TUSC3: variants seen among roughly 807,000 people sequenced by gnomAD.
The protein encoded by TUSC3 is tumor suppressor candidate 3, also known as dolichyl-diphosphooligosaccharide--protein glycosyltransferase subunit TUSC3.
A neutral mutation model predicts 44.8 loss-of-function variants in TUSC3; 45 were observed. That is an observed-to-expected ratio of 1.00 (90% CI 0.79 to 1.29). The LOEUF (loss-of-function observed/expected upper bound fraction) is 1.29. Ranked by LOEUF, TUSC3 falls within the 50% of genes most tolerant of loss-of-function variation. The pLI, the probability that TUSC3 is intolerant of heterozygous loss-of-function variation, is 0.00. For synonymous variants in TUSC3, 212 were observed against 152.9 expected, an observed-to-expected ratio of 1.39 and a Z score of -2.85; for missense variants, 519 against 437.9, an observed-to-expected ratio of 1.19 and a Z score of -1.65.
intron 1 of TUSC3, among the ~76,000 whole-genome samples, chr8:15,574,122 C>T (rs1051699368): frequency 1.3e-5 from 2 of 152,154 alleles, no homozygotes; most frequent in African/African-American, 2.4e-5. Flanking sequence ...GGGAAGCTCA[C>T]TGGCATTCAA....
intron 1 of TUSC3, among the ~76,000 whole-genome samples, chr8:15,602,951 C>A (rs193080009): frequency 6.6e-6 from 1 of 151,354 alleles, no homozygotes; most frequent in Non-Finnish European, 1.5e-5. Flanking sequence ...AGATATTTTA[C>A]GATATCAAGG....
chr8:15,581,496 G>A (rs1303994370), intron 1 of TUSC3, among the ~76,000 whole-genome samples: 3 of 147,346 alleles, frequency 2.0e-5, no homozygotes, highest in Non-Finnish European at 4.5e-5. Context: ...ATGGGTTTTT[G>A]GTGTGGATGT....
intron 8 of TUSC3, among the ~76,000 whole-genome samples, chr8:15,745,868 G>C (rs955458431): frequency 5.4e-5 from 7 of 129,886 alleles, no homozygotes; most frequent in Non-Finnish European, 1.2e-4. Context: ...GGCCAATGTT[G>C]AGACAGGCAT....
chr8:15,511,735 T>C (rs778142322), intron 2 of TUSC3, among the ~76,000 whole-genome samples: 1 of 151,878 alleles, frequency 6.6e-6, no homozygotes, highest in Non-Finnish European at 1.5e-5. Flanking sequence ...CCGGGCGTGG[T>C]GGTGGGTGCC....
chr8:15,820,522 C>A, the TUSC3 span, among the ~76,000 whole-genome samples: 1 of 151,836 alleles, frequency 6.6e-6, no homozygotes, highest in Non-Finnish European at 1.5e-5. Context: ...GTTTCACCAT[C>A]TTGGCCAGGA....
intron 2 of TUSC3, among the ~76,000 whole-genome samples, chr8:15,512,920 A>C (rs1370651518): frequency 1.3e-5 from 1 of 78,436 alleles, no homozygotes. Flanking sequence ...ATATGTATCT[A>C]TATATATAAT....
upstream of TUSC3, among the ~76,000 whole-genome samples, chr8:15,539,830 T>C (rs1297465400): frequency 1.3e-5 from 2 of 152,090 alleles, no homozygotes; most frequent in Non-Finnish European, 2.9e-5. Context: ...GAAGGAACAG[T>C]TGTGAAGTTG....
At chr8:15,752,608 A>G (rs2604362) in intron 9 of TUSC3, among the ~76,000 whole-genome samples, 2,561 of 152,162 alleles carry the variant, frequency 0.017, 25 homozygotes, top group Middle Eastern at 0.031. Context: ...TATCACTGAA[A>G]TTCATTTTAT....
At chr8:15,498,065 A>C (rs1455327023) in intron 2 of TUSC3, among the ~76,000 whole-genome samples, 1 of 152,102 alleles carries the variant, frequency 6.6e-6, no homozygotes, top group Non-Finnish European at 1.5e-5. Context: ...TTTGTTTTTT[A>C]AGATGGAAGA....
At chr8:15,513,553 C>T (rs1216621934) in intron 2 of TUSC3, among the ~76,000 whole-genome samples, 1 of 152,098 alleles carries the variant, frequency 6.6e-6, no homozygotes, top group East Asian at 1.9e-4. Flanking sequence ...AAACTTAGGT[C>T]CTTTTTAGAC....
chr8:15,658,979 G>A (rs928597221), intron 3 of TUSC3, among the ~76,000 whole-genome samples: 1 of 152,060 alleles, frequency 6.6e-6, no homozygotes, highest in Admixed American at 6.6e-5. Context: ...GAGCAGAAAT[G>A]TTGGTTTCTC....
At position 15,558,762 on chromosome 8, in the gene TUSC3, C is replaced by A. The variant is rs1371553307; in HGVS notation, c.138+18194C>A. On this transcript the variant is annotated intron_variant, in intron 1 of 10. Coordinates refer to ENST00000503731, the MANE Select transcript of TUSC3 (RefSeq NM_006765.4). The stretch of plus-strand genomic sequence containing the variant: ...GAGTGTATGTGTCGAGGAATTTATC[C>A]ATTTCTTCTAGATTTTCTAGTTTAT... Among the ~76,000 whole-genome samples, 5 of 129,894 alleles carry A rather than the reference C, an allele frequency of 3.8e-5. No homozygotes were observed. The East Asian group carries it at 1.3e-3, about 34-fold the overall frequency. The allele number at this position is 129,894 out of a possible 152,430, so 85.2% of individuals were successfully genotyped here.
intron 1 of TUSC3, among the ~76,000 whole-genome samples, chr8:15,586,867 A>T (rs1166296480): frequency 6.6e-6 from 1 of 152,122 alleles, no homozygotes; most frequent in Non-Finnish European, 1.5e-5. Context: ...CGTTATTGGG[A>T]ACTTCCTGGA....
intron 2 of TUSC3, among the ~76,000 whole-genome samples, chr8:15,523,387 G>C (rs896534054): frequency 9.2e-5 from 14 of 151,972 alleles, no homozygotes; most frequent in Non-Finnish European, 1.6e-4. Context: ...TGTACATTTT[G>C]CAGTATCCTT....
At chr8:15,523,237 C>T (rs1409916811) in intron 2 of TUSC3, among the ~76,000 whole-genome samples, 1 of 152,114 alleles carries the variant, frequency 6.6e-6, no homozygotes, top group East Asian at 1.9e-4. Flanking sequence ...TTGCCCAATG[C>T]ATCTGTGTAA....
Position 15,471,688 on chromosome 8 carries a change from G to A in TUSC3, n.92-11698G>A, listed in dbSNP as rs142409229. On this transcript the variant is annotated intron_variant and non_coding_transcript_variant, in intron 1 of 5. Transcript: ENST00000503191. Reference sequence around the variant, plus strand: ...GCTGGAGAACAATCGTGTGATCTCAGCTCACTGCAACCTCCGCCCTCCAGG... The same window carrying A: ...GCTGGAGAACAATCGTGTGATCTCAACTCACTGCAACCTCCGCCCTCCAGG... Among the ~76,000 whole-genome samples, 3 of 150,824 alleles carry A rather than the reference G, an allele frequency of 2.0e-5. No homozygotes were observed. The East Asian group carries it at 5.9e-4, about 29-fold the overall frequency.
At chr8:15,436,760 GTCAC>G (rs1245916200) in intron 1 of TUSC3, among the ~76,000 whole-genome samples, 2 of 152,106 alleles carry the variant, frequency 1.3e-5, no homozygotes, top group African/African-American at 4.8e-5. Flanking sequence ...GTGTGCAAGT[GTCAC>G]TCACCTCATT....
At chr8:15,527,308 C>T (rs1013055441) in intron 2 of TUSC3, among the ~76,000 whole-genome samples, 2 of 152,108 alleles carry the variant, frequency 1.3e-5, no homozygotes. Context: ...CCTCCGCCTC[C>T]CAGGTTTAAG....
At chr8:15,663,239 A>C (rs1194228514) in intron 5 of TUSC3, among the ~76,000 whole-genome samples, 2 of 151,988 alleles carry the variant, frequency 1.3e-5, no homozygotes, top group East Asian at 3.9e-4. Context: ...AGATACATAT[A>C]CATATATCTA....
Sources: gnomAD v4.1 joint callset for allele counts (sites outside exome capture counted in the v4.1 genomes callset) on GRCh38, gnomAD v4.1.1 for gene constraint, MANE v1.5 for transcripts, NCBI Gene and HGNC (gene_info 2026-07-23, HGNC 2026-07-21) for gene names.